Variants in LAMA3 observed in about 807,000 individuals in gnomAD.
LAMA3 encodes laminin subunit alpha-3.
Under a neutral mutation model 402.0 loss-of-function variants are expected in LAMA3, and 281 were observed. That is an observed-to-expected ratio of 0.70 (90% CI 0.63 to 0.77). The LOEUF (loss-of-function observed/expected upper bound fraction) is 0.77, where lower values mean the gene tolerates loss of function less well. Among genes scored for constraint, LAMA3 ranks in the 30% least tolerant of loss-of-function variants. LAMA3 has a pLI of 0.00. For missense variants in LAMA3, 3,840 were observed against 4,215.5 expected, an observed-to-expected ratio of 0.91 and a Z score of 2.47; for synonymous variants, 1,431 against 1,558.4, an observed-to-expected ratio of 0.92 and a Z score of 1.93.
chr18:23,717,497 G>A (rs1302513687), intron 2 of LAMA3, among the ~76,000 whole-genome samples: 1 of 147,324 alleles, frequency 6.8e-6, no homozygotes, highest in Non-Finnish European at 1.5e-5. Context: ...TTATTTTTTT[G>A]GCCAATAAGT....
intron 12 of LAMA3, among the ~76,000 whole-genome samples, chr18:23,787,155 G>T (rs577243246): frequency 1.3e-5 from 2 of 152,160 alleles, no homozygotes; most frequent in South Asian, 2.1e-4. Context: ...GGTGGCAGGC[G>T]CCTGTAATCC....
rs1178285643 is a variant in LAMA3 at position 23,815,533 on chromosome 18, A to G, written c.2007A>G (p.Gly669=). The G allele has an allele frequency of 1.9e-6, 3 of 1,614,198 alleles. No homozygotes were observed. In the Admixed American group the frequency reaches 5.0e-5, roughly 27 times the overall value. ...ATTCCTGCGACACCTGTGAAGATGG[A>G]TATTTTGCTTTGGAAAAGAGCAATT... is the stretch of plus-strand genomic sequence containing the variant. ...GGDSCDTCED[G]YFALEKSNYF... The change falls in exon 17 of 75, where the codon GGA becomes GGG. Residue 669 remains glycine (G), a synonymous_variant. Transcript: ENST00000313654.
At chr18:23,712,634 C>T (rs1035451399) in intron 1 of LAMA3, among the ~76,000 whole-genome samples, 13 of 112,450 alleles carry the variant, frequency 1.2e-4, no homozygotes, top group African/African-American at 1.7e-4. Context: ...TGTATAATGT[C>T]GAAAGATAAA....
At chr18:23,897,673 T>G (rs558232505) in intron 44 of LAMA3, among the ~76,000 whole-genome samples, 2 of 152,344 alleles carry the variant, frequency 1.3e-5, no homozygotes, top group East Asian at 3.9e-4. Flanking sequence ...CCACTTCTTA[T>G]CCAGGTGTTC....
At chr18:23,874,031 C>T (rs1018390221) in intron 38 of LAMA3, among the ~76,000 whole-genome samples, 1 of 152,114 alleles carries the variant, frequency 6.6e-6, no homozygotes, top group African/African-American at 2.4e-5. Flanking sequence ...CTGACAAATC[C>T]TCAGAGTCAC....
At chr18:23,842,275 C>T (rs2063718088) in intron 27 of LAMA3, 120 bp from the exon 28 acceptor site, 2 of 1,275,292 alleles carry the variant, frequency 1.6e-6, no homozygotes, top group Non-Finnish European at 2.3e-6. Flanking sequence ...TGTCATTTCA[C>T]TTTGGTAAAT....
rs915193976 is a variant in LAMA3, at chr18:23,895,195, A to C, written c.5613+137A>C. 5 of 999,484 alleles carry C rather than the reference A, an allele frequency of 5.0e-6. No individual in the cohort carries two copies. The Admixed American group carries it at 1.0e-4, about 21-fold the overall frequency. 61.9% of individuals were successfully genotyped at this position (999,484 alleles called of 1,614,324 possible). A position where few individuals can be genotyped will look rare whatever the true frequency, so the allele number is the denominator to read the frequency against. On this transcript the variant is annotated intron_variant, in intron 44 of 74. Transcript: ENST00000313654. ...TCCTTCCTCTGATCCAAATGAAGAT[A>C]AGACTTTTCCTGGTGGAAAATCATT...
At chr18:23,876,612 G>A (rs1050665362) in intron 39 of LAMA3, among the ~76,000 whole-genome samples, 3 of 152,190 alleles carry the variant, frequency 2.0e-5, no homozygotes, top group Admixed American at 6.6e-5. Context: ...TTAAAAGAGC[G>A]CTGCTGTCTG....
chr18:23,790,690 T>A, intron 12 of LAMA3, among the ~76,000 whole-genome samples: 1 of 152,320 alleles, frequency 6.6e-6, no homozygotes, highest in Non-Finnish European at 1.5e-5. Flanking sequence ...AAACTGTTGC[T>A]CAGTAAATTG....
intron 8 of LAMA3, among the ~76,000 whole-genome samples, chr18:23,768,421 T>C (rs2062125576): frequency 6.6e-6 from 1 of 152,178 alleles, no homozygotes; most frequent in African/African-American, 2.4e-5. Flanking sequence ...TAGAAATGCA[T>C]GTCAAAACCA....
intron 36 of LAMA3, among the ~76,000 whole-genome samples, chr18:23,865,779 G>C (rs778843443): frequency 6.6e-6 from 1 of 152,152 alleles, no homozygotes; most frequent in Non-Finnish European, 1.5e-5. Context: ...AGGGACAAAG[G>C]CTAACAGGAC....
chr18:23,849,216 G>A (rs997529596), intron 32 of LAMA3, among the ~76,000 whole-genome samples: 1 of 152,214 alleles, frequency 6.6e-6, no homozygotes, highest in Non-Finnish European at 1.5e-5. Flanking sequence ...TCTAAGAAAG[G>A]CCCCTTAACC....
chr18:23,868,648 A>G (rs2144793110), intron 37 of LAMA3, among the ~76,000 whole-genome samples: 1 of 152,284 alleles, frequency 6.6e-6, no homozygotes, highest in East Asian at 1.9e-4. Flanking sequence ...TGAGCTTATA[A>G]ATGCTATGAC....
chr18:23,786,963 A>G (rs2062557008), intron 12 of LAMA3, among the ~76,000 whole-genome samples: 1 of 152,222 alleles, frequency 6.6e-6, no homozygotes, highest in Non-Finnish European at 1.5e-5. Context: ...GTGCAGTCTG[A>G]AAACAGAAAG....
chr18:23,772,189 G>A (rs975469531), intron 8 of LAMA3, among the ~76,000 whole-genome samples: 1 of 152,020 alleles, frequency 6.6e-6, no homozygotes, highest in African/African-American at 2.4e-5. Flanking sequence ...TTACAGGTGT[G>A]TGCCACCATG....
chr18:23,768,730 A>G (rs2062131451), intron 8 of LAMA3, among the ~76,000 whole-genome samples: 2 of 152,246 alleles, frequency 1.3e-5, no homozygotes, highest in Admixed American at 1.3e-4. Flanking sequence ...AAGACATGGA[A>G]TCAACCTTGG....
At chr18:23,819,704 T>A in intron 18 of LAMA3, 137 bp from the exon 19 acceptor site, 1 of 779,684 alleles carries the variant, frequency 1.3e-6, no homozygotes, top group Non-Finnish European at 2.2e-6. Flanking sequence ...GAGCAGAAGA[T>A]CTTTCTCATT....
intron 2 of LAMA3, among the ~76,000 whole-genome samples, chr18:23,746,034 A>C (rs1250453348): frequency 6.6e-6 from 1 of 152,174 alleles, no homozygotes; most frequent in Non-Finnish European, 1.5e-5. Flanking sequence ...TAATAATGGG[A>C]TGTGTCTTTG....
chr18:23,931,351 C>A, intron 65 of LAMA3, 150 bp downstream of exon 65: 1 of 691,668 alleles, frequency 1.4e-6, no homozygotes, highest in Admixed American at 2.4e-5. Flanking sequence ...TTTTCCATAT[C>A]AATTTCTTCA....
Sources: allele counts gnomAD v4.1 joint callset (sites outside exome capture counted in the v4.1 genomes callset), GRCh38; gene constraint gnomAD v4.1.1; transcripts MANE v1.5; gene names NCBI Gene and HGNC (gene_info 2026-07-23, HGNC 2026-07-21).